Variants in MYH10 observed in about 807,000 individuals in gnomAD.
The protein encoded by MYH10 is myosin heavy chain 10.
In MYH10, 55 loss-of-function variants were observed where a neutral mutation model predicts 257.8. The observed-to-expected ratio is 0.21, with a 90% CI of 0.17 to 0.27. MYH10 has a LOEUF of 0.27. MYH10 is among the 10% of genes least tolerant of loss of function. The pLI is 1.00. For missense variants in MYH10, 1,631 were observed against 2,500.6 expected (o/e 0.65, Z 7.42); for synonymous variants, 854 against 921.7 (o/e 0.93, Z 1.33).
In MYH10 at chr17:8,478,434, G is replaced by A. The variant is rs752092866; in HGVS notation, c.5610C>T (p.Ala1870=). ...CAGTGCGACGGACTAATTTGTTGGC[G>A]GCTGCTCGTTCCCTGTGAAAGTGGT... ...QLEQEAKERA[A]ANKLVRRTEK... Residue 1870 remains alanine, a synonymous_variant, in exon 41 of 43, where the codon GCC becomes GCT. Transcript: ENST00000360416. 1.4e-5 allele frequency: 23 copies of A among 1,614,026 alleles called. No homozygotes were observed. Among genetic ancestry groups the A allele is most frequent in the South Asian group, 2.2e-5 (2 of 91,094 alleles).
In MYH10 at chr17:8,506,858, T is replaced by G. The variant is rs1305416188; in HGVS notation, c.3215-369A>C. ...CAGGTGCTGGGGCAGCAATCGTAGCTGCCTGTCACCCCATTCCCTTTTCCA... is the reference window on the plus strand; with the variant it reads ...CAGGTGCTGGGGCAGCAATCGTAGCGGCCTGTCACCCCATTCCCTTTTCCA... On this transcript the variant is annotated intron_variant, in intron 26 of 42. Coordinates refer to ENST00000360416, the MANE Select transcript of MYH10 (RefSeq NM_001256012.3). The surrounding 1 kb of genome is among the most constrained non-coding windows in gnomAD (Gnocchi z 5.0). Among the ~76,000 whole-genome samples, 3 of 152,212 alleles carry G rather than the reference T, an allele frequency of 2.0e-5. No individual in the cohort carries two copies. The highest frequency in any genetic ancestry group is 4.4e-5 in the Non-Finnish European group (3 of 68,044).
At chr17:8,484,929 TAAC>T (rs1258343081) in intron 36 of MYH10, among the ~76,000 whole-genome samples, 3 of 152,188 alleles carry the variant, frequency 2.0e-5, no homozygotes, top group Non-Finnish European at 4.4e-5. Flanking sequence ...CACTTCTACT[TAAC>T]AATGCAATAG....
chr17:8,546,420 T>A, intron 12 of MYH10, 124 bp downstream of exon 12: 1 of 703,676 alleles, frequency 1.4e-6, no homozygotes, highest in East Asian at 2.8e-5. Context: ...ACTCATTTAG[T>A]ACCTAAAAAC....
chr17:8,485,562 A>G (rs1914623274), intron 36 of MYH10, among the ~76,000 whole-genome samples: 1 of 151,954 alleles, frequency 6.6e-6, no homozygotes, highest in Admixed American at 6.6e-5. Context: ...TCAACTCAAT[A>G]ATTAAAAGAG....
chr17:8,503,989 A>G (rs985335565), intron 28 of MYH10, among the ~76,000 whole-genome samples: 2 of 152,094 alleles, frequency 1.3e-5, no homozygotes, highest in Non-Finnish European at 2.9e-5. Context: ...CACAGTGATG[A>G]CACCTATGAG....
rs773249364 is a variant in MYH10, at chr17:8,490,261, G to T, written c.4884+79C>A. The T allele has an allele frequency of 8.0e-7, 1 of 1,252,950 alleles. No homozygotes were observed. Among genetic ancestry groups the T allele is most frequent in the Non-Finnish European group, 1.2e-6 (1 of 861,984 alleles). 77.6% of individuals were successfully genotyped at this position (1,252,950 alleles called of 1,614,324 possible). On this transcript the variant is annotated intron_variant, in intron 35 of 42. Coordinates refer to ENST00000360416, the MANE Select transcript of MYH10 (RefSeq NM_001256012.3). This position sits in a 1 kb window ranked among gnomAD's most constrained non-coding sequence, Gnocchi z 4.1. ...TGTTTACTCAGATGTGTTCTAACAC[G>T]AATGAACAGGATACTGACCCAGAGC... is the stretch of plus-strand genomic sequence containing the variant.
chr17:8,550,176 G>A (rs1350432608), intron 9 of MYH10, among the ~76,000 whole-genome samples: 3 of 149,874 alleles, frequency 2.0e-5, no homozygotes, highest in Non-Finnish European at 4.4e-5. Flanking sequence ...GAGCCCCTCT[G>A]CCTGGCTGCC....
chr17:8,522,536 AC>A (rs1334579056), intron 17 of MYH10, among the ~76,000 whole-genome samples: 1 of 152,120 alleles, frequency 6.6e-6, no homozygotes, highest in Non-Finnish European at 1.5e-5. Flanking sequence ...GAGACTGTCT[AC>A]CTCAGAGACC....
chr17:8,490,539 T>G lies in MYH10; in HGVS notation c.4685A>C (p.Glu1562Ala). The G allele has an allele frequency of 6.2e-7, 1 of 1,614,148 alleles. No homozygotes were observed. Among genetic ancestry groups the G allele is most frequent in the Non-Finnish European group, 8.5e-7 (1 of 1,180,010 alleles). The change falls in exon 35 of 43, where the codon GAA becomes GCA. Residue 1562 changes from glutamate to alanine, a missense_variant. Glu to Ala is a moderately radical substitution (Grantham distance 107). Coordinates refer to ENST00000360416, the MANE Select transcript of MYH10 (RefSeq NM_001256012.3). This position sits in a 1 kb window ranked among gnomAD's most constrained non-coding sequence, Gnocchi z 4.1. Reference sequence around the variant, plus strand: ...CTGCTCTAGGGCCCGTTTGGATTTTTCAAGTTCGTGAACCTAAACCACCGA... The same window carrying G: ...CTGCTCTAGGGCCCGTTTGGATTTTGCAAGTTCGTGAACCTAAACCACCGA... ...DDVGKNVHEL[E>A]KSKRALEQQV...
chr17:8,629,238 C>T (rs1195405379), intron 1 of MYH10, among the ~76,000 whole-genome samples: 1 of 152,192 alleles, frequency 6.6e-6, no homozygotes, highest in African/African-American at 2.4e-5. Flanking sequence ...AACAAAATCT[C>T]AGCAAAGCCA....
intron 4 of MYH10, among the ~76,000 whole-genome samples, chr17:8,585,086 G>A (rs1450176674): frequency 6.6e-6 from 1 of 151,502 alleles, no homozygotes; most frequent in Non-Finnish European, 1.5e-5. Context: ...CAGGTGATCC[G>A]CCCACCTTGG....
chr17:8,494,108 G>A (rs1183437738), intron 31 of MYH10, among the ~76,000 whole-genome samples: 6 of 152,096 alleles, frequency 3.9e-5, no homozygotes, highest in South Asian at 2.1e-4. Flanking sequence ...GAATGGCGGC[G>A]CCATCCACCC....
At chr17:8,549,677 G>C (rs559060231) in intron 9 of MYH10, among the ~76,000 whole-genome samples, 2 of 152,144 alleles carry the variant, frequency 1.3e-5, no homozygotes, top group African/African-American at 2.4e-5. Flanking sequence ...TCAACACTTT[G>C]ATCATTTTAA....
intron 4 of MYH10, among the ~76,000 whole-genome samples, chr17:8,583,024 G>A (rs956353287): frequency 6.6e-6 from 1 of 152,178 alleles, no homozygotes; most frequent in Non-Finnish European, 1.5e-5. Flanking sequence ...ACTTCCTACA[G>A]TTTCCAAACT....
intron 4 of MYH10, among the ~76,000 whole-genome samples, chr17:8,585,703 C>G (rs80133254): frequency 6.6e-6 from 1 of 151,674 alleles, no homozygotes; most frequent in Non-Finnish European, 1.5e-5. Context: ...TAGGTAAGTA[C>G]GGGGGGACAG....
At chr17:8,583,287 T>C (rs1057412708) in intron 4 of MYH10, among the ~76,000 whole-genome samples, 3 of 152,198 alleles carry the variant, frequency 2.0e-5, no homozygotes, top group African/African-American at 7.2e-5. Flanking sequence ...TTTTCTTCCA[T>C]AACATAGATG....
At chr17:8,480,003 G>A in intron 40 of MYH10, 107 bp downstream of exon 40, 5 of 1,084,558 alleles carry the variant, frequency 4.6e-6, no homozygotes, top group Non-Finnish European at 6.7e-6. Context: ...GGTTATATGT[G>A]TTCTCTGCCC....
At chr17:8,538,828 C>T (rs1420650257) in intron 14 of MYH10, among the ~76,000 whole-genome samples, 1 of 152,188 alleles carries the variant, frequency 6.6e-6, no homozygotes, top group Non-Finnish European at 1.5e-5. Flanking sequence ...TTTCTGAATG[C>T]CCTGGCTGCT....
Position 8,506,328 on chromosome 17 carries a change from C to T in MYH10, c.3376G>A (p.Ala1126Thr), listed in dbSNP as rs753724964. The T allele has an allele frequency of 1.2e-5, 19 of 1,597,632 alleles. No individual in the cohort carries two copies. The East Asian group carries it at 1.3e-4, about 11-fold the overall frequency. ...LAKKEEELQG[A>T]LARGDDETLH... ...TGCTGGGCTGCAGACCTGGCCAGTG[C>T]GCCCTGCAGCTCCTCCTCCTTCTTG... The change falls in exon 27 of 43, where the codon GCA becomes ACA. Residue 1126 changes from alanine to threonine, a missense_variant. Ala to Thr is a moderately conservative substitution (Grantham distance 58). Transcript: ENST00000360416. The surrounding 1 kb of genome is among the most constrained non-coding windows in gnomAD (Gnocchi z 5.0).
Sources: gnomAD v4.1 joint callset for allele counts (sites outside exome capture counted in the v4.1 genomes callset) on GRCh38, gnomAD v4.1.1 for gene constraint, Gnocchi (gnomAD v3.1) non-coding constraint, MANE v1.5 for transcripts, NCBI Gene and HGNC (gene_info 2026-07-23, HGNC 2026-07-21) for gene names.